Variants in LYRM9 observed in about 807,000 individuals in gnomAD.
The protein encoded by LYRM9 is LYR motif-containing protein 9.
Under a neutral mutation model 12.6 loss-of-function variants are expected in LYRM9, and 14 were observed. The observed-to-expected ratio is 1.11, with a 90% confidence interval of 0.73 to 1.73. The LOEUF is 1.73. LYRM9 is among the 40% of genes most tolerant of loss of function. LYRM9 has a pLI of 0.00. For synonymous variants in LYRM9, 42 were observed against 35.1 expected (o/e 1.20, Z -0.69); for missense variants, 94 against 95.0 (o/e 0.99, Z 0.04).
Position 27,886,676 on chromosome 17 carries a change from T to C in LYRM9, c.-18-3964A>G, listed in dbSNP as rs2142592151. 6.7e-6 allele frequency among the ~76,000 whole-genome samples: 1 copy of C among 150,232 alleles called. No individual in the cohort carries two copies. The highest frequency in any genetic ancestry group is 2.1e-4 in the South Asian group (1 of 4,732). The stretch of plus-strand genomic sequence containing the variant: ...TTATTTTTTTTTTTTTGAGACAGAG[T>C]TTCGCTCTTGTTGCCCAGGCTGGAG... On this transcript the variant is annotated intron_variant, in intron 1 of 3. Transcript: ENST00000379102. The surrounding 1 kb of genome is among the most constrained non-coding windows in gnomAD (Gnocchi z 4.8).
chr17:27,884,352 A>G (rs1406775058), intron 1 of LYRM9, among the ~76,000 whole-genome samples: 1 of 152,136 alleles, frequency 6.6e-6, no homozygotes, highest in African/African-American at 2.4e-5. Context: ...AGTCTCCTCC[A>G]CACTGACACC....
intron 1 of LYRM9, among the ~76,000 whole-genome samples, chr17:27,885,910 C>T (rs56047045): frequency 0.031 from 4,641 of 152,048 alleles, 257 homozygotes; most frequent in African/African-American, 0.11. Context: ...AATCTGATGA[C>T]TCCAGCTGTA....
At chr17:27,890,564 C>T (rs1361370065) in intron 1 of LYRM9, among the ~76,000 whole-genome samples, 1 of 152,102 alleles carries the variant, frequency 6.6e-6, no homozygotes, top group Non-Finnish European at 1.5e-5. Flanking sequence ...TTCCTGGAAG[C>T]CAAGTGTTAT....
At chr17:27,892,276 C>T (rs1386937842) in intron 1 of LYRM9, 2 of 381,858 alleles carry the variant, frequency 5.2e-6, no homozygotes, top group African/African-American at 2.1e-5. Context: ...CTGTTCCTTG[C>T]TGACTGTAAG....
intron 1 of LYRM9, among the ~76,000 whole-genome samples, chr17:27,891,216 C>T (rs1474508362): frequency 2.0e-5 from 3 of 152,180 alleles, no homozygotes; most frequent in Non-Finnish European, 4.4e-5. Flanking sequence ...TCATCAGTCT[C>T]CCCTCCTGCT....
At chr17:27,880,111 T>C (rs777426482) in intron 3 of LYRM9, 163 bp downstream of exon 3, 2 of 712,752 alleles carry the variant, frequency 2.8e-6, no homozygotes, top group East Asian at 2.7e-5. Context: ...CAGAAGGGAT[T>C]TGTCTTCACC....
At chr17:27,888,412 T>C (rs1905307868) in intron 1 of LYRM9, among the ~76,000 whole-genome samples, 1 of 152,212 alleles carries the variant, frequency 6.6e-6, no homozygotes, top group Non-Finnish European at 1.5e-5. Context: ...CTCCATATGG[T>C]GGTCACAGTG....
chr17:27,883,663 A>AG (rs1293950493), intron 1 of LYRM9, among the ~76,000 whole-genome samples: 7 of 151,284 alleles, frequency 4.6e-5, no homozygotes, highest in Non-Finnish European at 1.0e-4. Flanking sequence ...AAAAAAAAAA[A>AG]AGAGAGAGAA....
chr17:27,891,361 C>T (rs767206145), intron 1 of LYRM9, among the ~76,000 whole-genome samples: 14 of 152,194 alleles, frequency 9.2e-5, no homozygotes, highest in Non-Finnish European at 1.5e-4. Flanking sequence ...ACTTCTATCT[C>T]GAAGTCTGTT....
chr17:27,883,835 TAAAAAAAAAAAAAAA>T (rs781375467), intron 1 of LYRM9, among the ~76,000 whole-genome samples: 154 of 24,574 alleles, frequency 6.3e-3, no homozygotes, highest in African/African-American at 0.013. Context: ...AGCCTTTTTC[TAAAAAAAAAAAAAAA>T]AAAAAAAAAA....
rs1206282121 is a variant in LYRM9, at chr17:27,879,074, G to C, written c.*399C>G. 2.4e-5 allele frequency: 4 copies of C among 166,920 alleles called. No individual in the cohort carries two copies. Among genetic ancestry groups the C allele is most frequent in the Non-Finnish European group, 5.2e-5 (4 of 77,626 alleles). 10.3% of individuals were successfully genotyped at this position (166,920 alleles called of 1,614,324 possible). A position where few individuals can be genotyped will look rare whatever the true frequency, so the allele number is the denominator to read the frequency against. On this transcript the variant is annotated 3_prime_UTR_variant, in exon 4 of 4. Coordinates refer to ENST00000379102, the MANE Select transcript of LYRM9 (RefSeq NM_001076680.3). ...CTGGGATTCAAATCCAGATCTGTCT[G>C]GTTCTAAAACCCACGTGCTTTCTTC...
chr17:27,882,510 C>A (rs1905093384), intron 2 of LYRM9, 59 bp downstream of exon 2: 3 of 1,482,944 alleles, frequency 2.0e-6, no homozygotes, highest in Non-Finnish European at 2.7e-6. Context: ...GGCCTCTGAC[C>A]TGCGCCCCTA....
At chr17:27,885,963 T>C (rs763982658) in intron 1 of LYRM9, among the ~76,000 whole-genome samples, 11 of 152,184 alleles carry the variant, frequency 7.2e-5, no homozygotes, top group Middle Eastern at 6.8e-3. Context: ...TTCCTCCTGC[T>C]ATCAATCATG....
intron 3 of LYRM9, chr17:27,879,878 C>T (rs1904983666): frequency 3.4e-6 from 2 of 579,922 alleles, no homozygotes; most frequent in African/African-American, 3.7e-5. Context: ...ATGTTTCCTC[C>T]ATAATTCTGC....
In LYRM9 at chr17:27,878,717, C is replaced by G. The variant is rs1904929915; in HGVS notation, c.*756G>C. The G allele has an allele frequency of 6.6e-6, 1 of 152,376 alleles. No homozygotes were observed. The highest frequency in any genetic ancestry group is 1.9e-4 in the East Asian group (1 of 5,170). The allele number at this position is 152,376 out of a possible 1,614,324, so 9.4% of individuals were successfully genotyped here. ...TCCTTGGTTCATGTGGTGGGCACTT[C>G]ACCACTTCAAGGACACTGTCAACTC... On this transcript the variant is annotated 3_prime_UTR_variant, in exon 4 of 4. Coordinates refer to ENST00000379102, the MANE Select transcript of LYRM9 (RefSeq NM_001076680.3).
intron 2 of LYRM9, 37 bp downstream of exon 2, chr17:27,882,532 A>G (rs1905094635): frequency 3.9e-6 from 6 of 1,527,734 alleles, no homozygotes; most frequent in African/African-American, 1.4e-5. Flanking sequence ...GCCTGCCATT[A>G]GAGGCAGCCC....
intron 2 of LYRM9, chr17:27,880,737 A>G: frequency 3.5e-6 from 1 of 285,078 alleles, no homozygotes; most frequent in Non-Finnish European, 6.7e-6. Flanking sequence ...CCAGGGTGAG[A>G]TCTCTGCATA....
chr17:27,879,510 G>A lies in LYRM9; in HGVS notation c.220-20C>T, dbSNP rs768032877. 6.4e-6 allele frequency: 10 copies of A among 1,551,766 alleles called. No individual in the cohort carries two copies. Among genetic ancestry groups the A allele is most frequent in the Admixed American group, 3.9e-5 (2 of 51,036 alleles). ...TTTATACTGCAAGACAGAGAGATTC[G>A]AAGTGGAGGAGGGAAGCCAACAGGG... On this transcript the variant is annotated intron_variant, in intron 3 of 3. Coordinates refer to ENST00000379102, the MANE Select transcript of LYRM9 (RefSeq NM_001076680.3).
chr17:27,890,268 G>A (rs1597596593), intron 1 of LYRM9, among the ~76,000 whole-genome samples: 1 of 152,096 alleles, frequency 6.6e-6, no homozygotes, highest in Non-Finnish European at 1.5e-5. Context: ...CCAGGTTCAA[G>A]CACTTATAAA....
Sources: gnomAD v4.1 joint callset for allele counts (sites outside exome capture counted in the v4.1 genomes callset) on GRCh38, gnomAD v4.1.1 for gene constraint, Gnocchi (gnomAD v3.1) non-coding constraint, MANE v1.5 for transcripts, NCBI Gene and HGNC (gene_info 2026-07-23, HGNC 2026-07-21) for gene names.